Variants in MAPK10 observed in about 807,000 individuals in gnomAD.
MAPK10 encodes the protein JNK3 alpha protein kinase.
Under a neutral mutation model 59.3 loss-of-function variants are expected in MAPK10, and 25 were observed. That is an observed-to-expected ratio of 0.42 (90% CI 0.31 to 0.59). The LOEUF (loss-of-function observed/expected upper bound fraction) is 0.59, where lower values mean the gene tolerates loss of function less well. MAPK10 is among the 20% of genes least tolerant of loss of function. The pLI is 0.15. For missense variants in MAPK10, 351 were observed against 568.9 expected, an observed-to-expected ratio of 0.62 and a Z score of 3.90; for synonymous variants, 190 against 200.5, an observed-to-expected ratio of 0.95 and a Z score of 0.44.
intron 1 of MAPK10, among the ~76,000 whole-genome samples, chr4:86,411,488 T>C (rs2149027129): frequency 6.6e-6 from 1 of 152,322 alleles, no homozygotes; most frequent in African/African-American, 2.4e-5. Flanking sequence ...ATCTGTCTAA[T>C]ATTGACAGTG....
At position 86,101,336 on chromosome 4, in the gene MAPK10, A is replaced by G. The variant is rs985495288; in HGVS notation, c.565-119T>C. On this transcript the variant is annotated intron_variant, in intron 7 of 13. Coordinates refer to ENST00000641462, the MANE Select transcript of MAPK10 (RefSeq NM_138982.4). ...CTGATGAGGTCCCCCTTGCCTACAG[A>G]GCTCTAAATAAGGCAAATGATTACT... The G allele has an allele frequency of 9.6e-6, 6 of 624,548 alleles. No individual in the cohort carries two copies. The African/African-American group carries it at 1.1e-4, about 11-fold the overall frequency. 38.7% of individuals were successfully genotyped at this position (624,548 alleles called of 1,614,324 possible). A position where few individuals can be genotyped will look rare whatever the true frequency, so the allele number is the denominator to read the frequency against.
chr4:86,038,229 T>C (rs969269161), intron 11 of MAPK10, among the ~76,000 whole-genome samples: 2 of 152,336 alleles, frequency 1.3e-5, no homozygotes, highest in Admixed American at 1.3e-4. Flanking sequence ...TGCTTTGTCC[T>C]AATTAAGGAT....
At chr4:86,402,238 A>C (rs1300918706) in intron 1 of MAPK10, among the ~76,000 whole-genome samples, 1 of 152,168 alleles carries the variant, frequency 6.6e-6, no homozygotes, top group Non-Finnish European at 1.5e-5. Flanking sequence ...AGGAAAGCAG[A>C]ATTGAGAAAG....
intron 4 of MAPK10, among the ~76,000 whole-genome samples, chr4:86,154,915 A>C (rs1350313512): frequency 6.6e-6 from 1 of 152,106 alleles, no homozygotes; most frequent in Non-Finnish European, 1.5e-5. Flanking sequence ...TTTTATCAGC[A>C]AGAAATATAT....
chr4:86,408,854 C>G (rs1744746597), intron 1 of MAPK10, among the ~76,000 whole-genome samples: 1 of 152,130 alleles, frequency 6.6e-6, no homozygotes, highest in Non-Finnish European at 1.5e-5. Context: ...TGTAGGTTGC[C>G]TGTTCACCCT....
In MAPK10 at chr4:86,011,948, T is replaced by C. The variant is rs1741482561; in HGVS notation, c.*5280A>G. 6.6e-6 allele frequency: 1 copy of C among 152,244 alleles called. No homozygotes were observed. Among genetic ancestry groups the C allele is most frequent in the South Asian group, 2.1e-4 (1 of 4,834 alleles). The allele number at this position is 152,244 out of a possible 1,614,324, so 9.4% of individuals were successfully genotyped here. A position where few individuals can be genotyped will look rare whatever the true frequency, so the allele number is the denominator to read the frequency against. ...CTTCATCCAGCCACAAAATCATATA[T>C]ATTTTTAATTCTCCAAGGAGTTTGA... On this transcript the variant is annotated 3_prime_UTR_variant, in exon 14 of 14. Transcript: ENST00000641462.
At chr4:86,035,087 G>A (rs1467667370) in intron 11 of MAPK10, among the ~76,000 whole-genome samples, 1 of 151,990 alleles carries the variant, frequency 6.6e-6, no homozygotes, top group Non-Finnish European at 1.5e-5. Flanking sequence ...GATGATCCAG[G>A]GGGCCAGGCG....
intron 4 of MAPK10, among the ~76,000 whole-genome samples, chr4:86,157,317 T>C (rs1030072936): frequency 6.6e-6 from 1 of 151,974 alleles, no homozygotes; most frequent in Non-Finnish European, 1.5e-5. Flanking sequence ...AGAATTTCTC[T>C]TGCATACACA....
intron 1 of MAPK10, among the ~76,000 whole-genome samples, chr4:86,412,621 TC>T (rs1261322220): frequency 6.6e-6 from 1 of 152,180 alleles, no homozygotes; most frequent in African/African-American, 2.4e-5. Context: ...TTTTCTCTAA[TC>T]TTGTCTTCTC....
chr4:86,224,107 T>A (rs2090173601), intron 2 of MAPK10, among the ~76,000 whole-genome samples: 1 of 145,372 alleles, frequency 6.9e-6, no homozygotes, highest in Non-Finnish European at 1.5e-5. Flanking sequence ...GAACCCTACC[T>A]CAGTTCTAAT....
intron 1 of MAPK10, among the ~76,000 whole-genome samples, chr4:86,526,163 A>G (rs1182591227): frequency 2.0e-5 from 3 of 152,162 alleles, no homozygotes; most frequent in Non-Finnish European, 4.4e-5. Context: ...TTCTTTGTAC[A>G]TCTGGTAGAT....
chr4:86,587,429 T>C (rs973823813), intron 1 of MAPK10, among the ~76,000 whole-genome samples: 4 of 152,324 alleles, frequency 2.6e-5, no homozygotes, highest in South Asian at 2.1e-4. Flanking sequence ...GCATTTTTTT[T>C]CCCCAGCTAA....
At chr4:86,358,436 G>A (rs1564700876) in intron 1 of MAPK10, 1 of 931,246 alleles carries the variant, frequency 1.1e-6, no homozygotes, top group African/African-American at 1.8e-5. Flanking sequence ...CTTCCTTGCA[G>A]TTTGTTCATA....
At chr4:86,563,254 T>A (rs1760812749) in intron 1 of MAPK10, among the ~76,000 whole-genome samples, 2 of 152,214 alleles carry the variant, frequency 1.3e-5, no homozygotes, top group African/African-American at 4.8e-5. Flanking sequence ...AAAGGAATTT[T>A]ATTCATAATA....
At chr4:86,530,948 A>G (rs1160952778) in intron 1 of MAPK10, among the ~76,000 whole-genome samples, 1 of 152,222 alleles carries the variant, frequency 6.6e-6, no homozygotes, top group Non-Finnish European at 1.5e-5. Flanking sequence ...CCACTTCAGT[A>G]GGACTTCTCA....
At chr4:86,394,153 C>T (rs1170975944) in intron 1 of MAPK10, among the ~76,000 whole-genome samples, 1 of 152,024 alleles carries the variant, frequency 6.6e-6, no homozygotes, top group African/African-American at 2.4e-5. Context: ...CCTGTAATCC[C>T]AGCTACTTGG....
chr4:86,244,774 C>T (rs906446407), intron 2 of MAPK10, among the ~76,000 whole-genome samples: 42 of 152,208 alleles, frequency 2.8e-4, no homozygotes, highest in African/African-American at 9.7e-4. Context: ...CAGCTCTAGG[C>T]TGGATAATGA....
intron 11 of MAPK10, among the ~76,000 whole-genome samples, chr4:86,061,791 T>C (rs2148982111): frequency 6.6e-6 from 1 of 152,274 alleles, no homozygotes; most frequent in East Asian, 1.9e-4. Flanking sequence ...TAACAGCATG[T>C]GAGTTACTTG....
chr4:86,079,499 C>A (rs1044990598), intron 9 of MAPK10: 3 of 152,080 alleles, frequency 2.0e-5, no homozygotes, highest in Non-Finnish European at 4.4e-5. Context: ...TAGCACCCAC[C>A]TTCAGTTGTA....
Sources: gnomAD v4.1 joint callset for allele counts (sites outside exome capture counted in the v4.1 genomes callset) on GRCh38, gnomAD v4.1.1 for gene constraint, MANE v1.5 for transcripts, NCBI Gene and HGNC (gene_info 2026-07-23, HGNC 2026-07-21) for gene names.